Variants in PRMT8 observed in about 807,000 individuals in gnomAD.
PRMT8 encodes the protein protein arginine N-methyltransferase 8.
Under a neutral mutation model 47.1 loss-of-function variants are expected in PRMT8, and 7 were observed. The observed-to-expected ratio is 0.15, with a 90% CI of 0.08 to 0.28. The LOEUF (loss-of-function observed/expected upper bound fraction) is 0.28. PRMT8 is among the 10% of genes least tolerant of loss of function. PRMT8 has a pLI of 1.00. For synonymous variants in PRMT8, 188 were observed against 186.5 expected, an observed-to-expected ratio of 1.01 and a Z score of -0.07; for missense variants, 237 against 505.4, an observed-to-expected ratio of 0.47 and a Z score of 5.09.
At chr12:3,440,971 G>A (rs1485808606) in intron 1 of PRMT8, among the ~76,000 whole-genome samples, 2 of 152,078 alleles carry the variant, frequency 1.3e-5, no homozygotes, top group Non-Finnish European at 2.9e-5. Flanking sequence ...CTCTTTGTTC[G>A]GTGTGCCAAT....
At chr12:3,539,577 C>G (rs1485847874) in intron 1 of PRMT8, among the ~76,000 whole-genome samples, 2 of 152,174 alleles carry the variant, frequency 1.3e-5, no homozygotes, top group Non-Finnish European at 2.9e-5. Flanking sequence ...CTCCTGCACT[C>G]CAGGCAGAGG....
chr12:3,432,327 CTG>C (rs1404778878), intron 1 of PRMT8, among the ~76,000 whole-genome samples: 2 of 152,238 alleles, frequency 1.3e-5, no homozygotes. Context: ...GAACCCAGGA[CTG>C]TGATTCTGCC....
intron 1 of PRMT8, among the ~76,000 whole-genome samples, chr12:3,470,754 C>T (rs1865153666): frequency 6.6e-6 from 1 of 152,210 alleles, no homozygotes; most frequent in South Asian, 2.1e-4. Flanking sequence ...TTCAACTCCA[C>T]ACCAGCCTGG....
At chr12:3,585,532 ATT>A (rs5796061) in intron 8 of PRMT8, among the ~76,000 whole-genome samples, 2 of 140,362 alleles carry the variant, frequency 1.4e-5, no homozygotes. Flanking sequence ...ATACTTTTTA[ATT>A]TTTTTTTTTT....
Position 3,570,993 on chromosome 12 carries a change from C to A in PRMT8, c.712+1429C>A, listed in dbSNP as rs912052293. Among the ~76,000 whole-genome samples the A allele has an allele frequency of 1.3e-5, 2 of 152,216 alleles. No homozygotes were observed. The highest frequency in any genetic ancestry group is 2.9e-5 in the Non-Finnish European group (2 of 68,036). On this transcript the variant is annotated intron_variant, in intron 6 of 9. Coordinates refer to ENST00000382622, the MANE Select transcript of PRMT8 (RefSeq NM_019854.5). The surrounding 1 kb of genome is among the most constrained non-coding windows in gnomAD (Gnocchi z 5.5). ...GCTTTGCCATGTCCTAACTGGGTAA[C>A]CTTGAGCAAATTATCTAATACCTTT...
intron 1 of PRMT8, among the ~76,000 whole-genome samples, chr12:3,526,658 C>A (rs967493621): frequency 1.3e-5 from 2 of 152,122 alleles, no homozygotes; most frequent in African/African-American, 4.8e-5. Context: ...GTGGCTCTTT[C>A]ATTAGATGAA....
At chr12:3,505,982 A>C (rs1865618173) in intron 1 of PRMT8, among the ~76,000 whole-genome samples, 2 of 152,154 alleles carry the variant, frequency 1.3e-5, no homozygotes, top group African/African-American at 4.8e-5. Context: ...AGCTTATTTG[A>C]AGGGCTCTTC....
intron 8 of PRMT8, among the ~76,000 whole-genome samples, chr12:3,585,427 T>C (rs1487578713): frequency 7.9e-6 from 1 of 126,480 alleles, no homozygotes; most frequent in Admixed American, 1.0e-4. Flanking sequence ...GGCACAATCA[T>C]AGCTCACTGC....
At chr12:3,533,996 A>G (rs1866076485) in intron 1 of PRMT8, among the ~76,000 whole-genome samples, 1 of 152,214 alleles carries the variant, frequency 6.6e-6, no homozygotes, top group Non-Finnish European at 1.5e-5. Context: ...AGGTGTGGTG[A>G]GTGTCTAAGG....
chr12:3,509,521 G>C (rs1441119651), intron 1 of PRMT8, among the ~76,000 whole-genome samples: 4 of 152,170 alleles, frequency 2.6e-5, no homozygotes, highest in African/African-American at 7.2e-5. Flanking sequence ...CACTGTTTAT[G>C]CTCTTTACCA....
Position 3,431,852 on chromosome 12 carries a change from G to A in PRMT8, c.48+50410G>A, listed in dbSNP as rs74057405. On this transcript the variant is annotated intron_variant, in intron 1 of 9. Coordinates refer to the PRMT8 transcript ENST00000452611. ...AGAAGGTGAGATATGGTGTGGCATC[G>A]CAGGGAGCTGGCTGAGGCTTGAGCA... Among the ~76,000 whole-genome samples the A allele has an allele frequency of 4.2e-3, 645 of 152,316 alleles. 2 individuals are homozygous for A. The highest frequency in any genetic ancestry group is 0.014 in the African/African-American group (593 of 41,562).
intron 1 of PRMT8, among the ~76,000 whole-genome samples, chr12:3,445,106 G>A (rs185077696): frequency 1.9e-3 from 289 of 152,344 alleles, no homozygotes; most frequent in Non-Finnish European, 3.4e-3. Context: ...TATGGAGACC[G>A]CTTGCTCCTG....
chr12:3,516,587 G>A (rs1865795141), intron 1 of PRMT8, among the ~76,000 whole-genome samples: 1 of 152,178 alleles, frequency 6.6e-6, no homozygotes, highest in Non-Finnish European at 1.5e-5. Flanking sequence ...AGGTGGCAGT[G>A]TTTGCAGAGA....
intron 1 of PRMT8, among the ~76,000 whole-genome samples, chr12:3,426,862 G>A (rs185926553): frequency 6.6e-6 from 1 of 152,192 alleles, no homozygotes; most frequent in East Asian, 1.9e-4. Flanking sequence ...CAGTCTCGGT[G>A]GTTAGCAGCA....
intron 1 of PRMT8, among the ~76,000 whole-genome samples, chr12:3,477,586 C>A (rs1012878590): frequency 6.6e-6 from 1 of 152,200 alleles, no homozygotes; most frequent in African/African-American, 2.4e-5. Flanking sequence ...CCCTCCTCTG[C>A]CTCCTAAAAA....
At chr12:3,418,131 A>G (rs1234214692) in intron 1 of PRMT8, among the ~76,000 whole-genome samples, 1 of 152,252 alleles carries the variant, frequency 6.6e-6, no homozygotes, top group Non-Finnish European at 1.5e-5. Flanking sequence ...GGATGGCAGC[A>G]CCTGCTGTTC....
At position 3,566,571 on chromosome 12, in the gene PRMT8, G is replaced by C. The variant is rs963278344; in HGVS notation, c.482-2135G>C. On this transcript the variant is annotated intron_variant, in intron 4 of 9. Coordinates refer to ENST00000382622, the MANE Select transcript of PRMT8 (RefSeq NM_019854.5). This position sits in a 1 kb window ranked among gnomAD's most constrained non-coding sequence, Gnocchi z 4.7. ...AAGCTTGATTAAATACCACATAGTG[G>C]AGAGTAAACTGTTATTAGAAGCTGC... Among the ~76,000 whole-genome samples the C allele has an allele frequency of 2.6e-5, 4 of 152,200 alleles. No individual in the cohort carries two copies. The highest frequency in any genetic ancestry group is 2.6e-4 in the Admixed American group (4 of 15,280).
At chr12:3,506,237 CTAAG>C (rs1389557255) in intron 1 of PRMT8, among the ~76,000 whole-genome samples, 4 of 152,122 alleles carry the variant, frequency 2.6e-5, no homozygotes, top group African/African-American at 7.2e-5. Flanking sequence ...ATCATAGGGA[CTAAG>C]TGAGTTATTT....
Position 3,508,930 on chromosome 12 carries a change from C to T in PRMT8, c.75+17230C>T, listed in dbSNP as rs771228806. 6.6e-6 allele frequency among the ~76,000 whole-genome samples: 1 copy of T among 152,186 alleles called. No homozygotes were observed. Among genetic ancestry groups the T allele is most frequent in the Non-Finnish European group, 1.5e-5 (1 of 68,026 alleles). The stretch of plus-strand genomic sequence containing the variant: ...ACTCTGCTCTCTCCTTTCTCCATAA[C>T]AAGACCTGGCGATTCTACATCTGAA... On this transcript the variant is annotated intron_variant, in intron 1 of 9. Transcript: ENST00000382622. This position sits in a 1 kb window ranked among gnomAD's most constrained non-coding sequence, Gnocchi z 4.9.
Sources: allele counts gnomAD v4.1 joint callset (sites outside exome capture counted in the v4.1 genomes callset), GRCh38; gene constraint gnomAD v4.1.1; non-coding constraint Gnocchi (gnomAD v3.1); transcripts MANE v1.5; gene names NCBI Gene and HGNC (gene_info 2026-07-23, HGNC 2026-07-21).